SAMD11: variants seen among roughly 807,000 people sequenced by gnomAD.
The protein encoded by SAMD11 is sterile alpha motif domain-containing protein 11.
SAMD11 carries 77 observed loss-of-function variants against 64.4 expected under a neutral mutation model. The ratio of observed to expected loss-of-function variants is 1.20; its 90% CI spans 0.99 to 1.44. SAMD11 has a LOEUF of 1.44. Ranked by LOEUF, SAMD11 falls within the 40% of genes most tolerant of loss-of-function variation. The pLI is 0.00. For synonymous variants in SAMD11, 658 were observed against 421.9 expected (o/e 1.56, Z -6.86); for missense variants, 1,402 against 943.3 (o/e 1.49, Z -6.37).
intron 1 of SAMD11, 47 bp from the exon 2 acceptor site, chr1:925,875 A>C: frequency 7.1e-7 from 1 of 1,414,578 alleles, no homozygotes; most frequent in South Asian, 1.1e-5. Context: ...GACTGCGCGC[A>C]GAAGCGTGCC....
At chr1:936,298 ACGGAGGGGG>A (rs1295033755) in intron 5 of SAMD11, among the ~76,000 whole-genome samples, 2 of 136,166 alleles carry the variant, frequency 1.5e-5, no homozygotes, top group Non-Finnish European at 3.2e-5. Flanking sequence ...GGGCTCCTGG[ACGGAGGGGG>A]TCCCCGGTCC....
At position 943,026 on chromosome 1, in the gene SAMD11, TCC is replaced by T; in HGVS notation, c.2023_2024del (p.Pro675LeufsTer26). The T allele has an allele frequency of 6.5e-7, 1 of 1,529,906 alleles. No individual in the cohort carries two copies. The highest frequency in any genetic ancestry group is 8.8e-7 in the Non-Finnish European group (1 of 1,140,824). 94.8% of individuals were successfully genotyped at this position (1,529,906 alleles called of 1,614,324 possible). A position where few individuals can be genotyped will look rare whatever the true frequency, so the allele number is the denominator to read the frequency against. The stretch of plus-strand genomic sequence containing the variant: ...CCAGGGTCCACACTGCCCCTGGGCT[TCC>T]CTTATGCCGTCAGCCCCTACTTCCA... On this transcript the variant is annotated frameshift_variant, in exon 11 of 14. Transcript: ENST00000616016. LOFTEE classifies it high-confidence loss of function.
chr1:935,952 TGGC>T, intron 5 of SAMD11, 56 bp downstream of exon 5: 1 of 1,571,998 alleles, frequency 6.4e-7, no homozygotes, highest in Non-Finnish European at 8.7e-7. Flanking sequence ...CAGAGGACGG[TGGC>T]GTCTCCACTC....
chr1:943,451 G>T, intron 12 of SAMD11, 74 bp downstream of exon 12: 1 of 1,313,120 alleles, frequency 7.6e-7, no homozygotes, highest in Non-Finnish European at 1.0e-6. Flanking sequence ...AAAGGATGGT[G>T]GGGTAGGGCC....
chr1:936,422 G>A (rs1641452447), intron 5 of SAMD11, among the ~76,000 whole-genome samples: 1 of 145,860 alleles, frequency 6.9e-6, no homozygotes, highest in South Asian at 2.1e-4. Flanking sequence ...TGGACGGAGG[G>A]GGTCCCCGGT....
In SAMD11 at chr1:930,341, T is replaced by C; in HGVS notation, c.791+5T>C. 1 of 1,598,260 alleles carries C rather than the reference T, an allele frequency of 6.3e-7. No homozygotes were observed. The highest frequency in any genetic ancestry group is 8.5e-7 in the Non-Finnish European group (1 of 1,172,338). ...CATCCGTATCATGAAGAGAAGGTACTTGGACCAGGGCCGGACAGGAAGGCG... is the reference window on the plus strand; with the variant it reads ...CATCCGTATCATGAAGAGAAGGTACCTGGACCAGGGCCGGACAGGAAGGCG... On this transcript the variant is annotated splice_donor_5th_base_variant and intron_variant, in intron 3 of 13. Transcript: ENST00000616016.
At chr1:936,716 C>G (rs1641472068) in intron 5 of SAMD11, among the ~76,000 whole-genome samples, 1 of 152,156 alleles carries the variant, frequency 6.6e-6, no homozygotes, top group Non-Finnish European at 1.5e-5. Context: ...ATCTGTGTCC[C>G]CCATCCATGG....
intron 5 of SAMD11, among the ~76,000 whole-genome samples, chr1:936,930 C>T (rs1401970590): frequency 6.6e-6 from 1 of 152,204 alleles, no homozygotes; most frequent in Non-Finnish European, 1.5e-5. Flanking sequence ...GGGAGACCTC[C>T]TCAGGTACAC....
intron 2 of SAMD11, among the ~76,000 whole-genome samples, chr1:927,664 C>T (rs530317951): frequency 9.2e-5 from 14 of 152,358 alleles, no homozygotes; most frequent in East Asian, 1.9e-4. Context: ...ACAGATGCTC[C>T]GGGGCAGAAT....
Position 929,740 on chromosome 1 carries a change from C to T in SAMD11, c.610-415C>T, listed in dbSNP as rs578162306. ...CTGGGAATGAGGGGCCACACAAGCCCGGGACGGAGGCCTGTCGCACATGGG... is the reference window on the plus strand; with the variant it reads ...CTGGGAATGAGGGGCCACACAAGCCTGGGACGGAGGCCTGTCGCACATGGG... On this transcript the variant is annotated intron_variant, in intron 2 of 13. Transcript: ENST00000616016. Among the ~76,000 whole-genome samples the T allele has an allele frequency of 2.6e-5, 4 of 152,218 alleles. No individual in the cohort carries two copies. The South Asian group carries it at 6.2e-4, about 24-fold the overall frequency.
At chr1:925,429 G>A (rs1640834079) in intron 1 of SAMD11, among the ~76,000 whole-genome samples, 2 of 151,444 alleles carry the variant, frequency 1.3e-5, no homozygotes, top group South Asian at 4.1e-4. Context: ...GGGCGCCTGG[G>A]CCCAAGGGTG....
intron 5 of SAMD11, among the ~76,000 whole-genome samples, chr1:937,781 T>G (rs1293780151): frequency 6.6e-6 from 1 of 152,216 alleles, no homozygotes; most frequent in East Asian, 1.9e-4. Flanking sequence ...ACCCTCTCTC[T>G]GGGGCCGGGC....
intron 7 of SAMD11, chr1:940,296 GCCCCCCCC>G (rs552305601): frequency 7.6e-6 from 1 of 131,490 alleles, no homozygotes; most frequent in East Asian, 2.3e-4. Flanking sequence ...CCGCGCCGCC[GCCCCCCCC>G]CCCCGCCCCG....
At chr1:943,195 G>A in intron 11 of SAMD11, 58 bp from the exon 12 acceptor site, 1 of 1,609,342 alleles carries the variant, frequency 6.2e-7, no homozygotes, top group East Asian at 2.2e-5. Context: ...CGACGGTCAG[G>A]AGACGGGCGG....
chr1:925,598 G>C (rs1205365648), intron 1 of SAMD11: 1 of 235,826 alleles, frequency 4.2e-6, no homozygotes, highest in South Asian at 6.1e-5. Flanking sequence ...TCACCGCTCC[G>C]GGACTCAGCC....
Position 943,790 on chromosome 1 carries a change from C to A in SAMD11, c.2271C>A (p.Ala757=). ...LTNMGLKLGP[A]LKIRAQVARR... Reference sequence around the variant, plus strand: ...ACATGGGGCTGAAGCTGGGGCCCGCCCTCAAGATCCGGGCCCAGGTGAGAC... The same window carrying A: ...ACATGGGGCTGAAGCTGGGGCCCGCACTCAAGATCCGGGCCCAGGTGAGAC... The change falls in exon 13 of 14, where the codon GCC becomes GCA. Residue 757 remains alanine (A), a synonymous_variant. Coordinates refer to ENST00000616016, the MANE Select transcript of SAMD11 (RefSeq NM_001385641.1). The A allele has an allele frequency of 3.7e-6, 6 of 1,612,712 alleles. No homozygotes were observed. The highest frequency in any genetic ancestry group is 5.1e-6 in the Non-Finnish European group (6 of 1,179,942).
In SAMD11 at chr1:935,820, C is replaced by G. The variant is rs1404341261; in HGVS notation, c.891C>G (p.Arg297=). 4 of 1,613,398 alleles carry G rather than the reference C, an allele frequency of 2.5e-6. No homozygotes were observed. The highest frequency in any genetic ancestry group is 1.1e-5 in the South Asian group (1 of 91,088). Residue 297 remains arginine (R), a synonymous_variant, in exon 5 of 14, where the codon CGC becomes CGG. Transcript: ENST00000616016. ...TCATATCCAGCGTCCACCGCAGCCG[C>G]CACCTCGTTATGCCCGAGCATCAGA... The part of the protein sequence containing the change: ...PTLISSVHRS[R]HLVMPEHQSR...
rs375115805 is a variant in SAMD11, at chr1:944,160, C to T, written c.*7C>T. On this transcript the variant is annotated 3_prime_UTR_variant, in exon 14 of 14. Coordinates refer to ENST00000616016, the MANE Select transcript of SAMD11 (RefSeq NM_001385641.1). ...TTCCCAGCCTCTGTGTTGAGGTTGCCGGGGGTAGGGGTGGGGCCACACAAA... is the reference window on the plus strand; with the variant it reads ...TTCCCAGCCTCTGTGTTGAGGTTGCTGGGGGTAGGGGTGGGGCCACACAAA... 61 of 1,540,718 alleles carry T rather than the reference C, an allele frequency of 4.0e-5. No homozygotes were observed. In the Middle Eastern group the frequency reaches 1.0e-3, roughly 26 times the overall value.
chr1:944,228 C>CGCTTTATTTCT lies in SAMD11; in HGVS notation c.*76_*86dup. ...TCAACACAATGGCCCTGCCTCCCAC[C>CGCTTTATTTCT]GCTTTATTTCTTTCGGTTTCGGATG... On this transcript the variant is annotated 3_prime_UTR_variant, in exon 14 of 14. Coordinates refer to ENST00000616016, the MANE Select transcript of SAMD11 (RefSeq NM_001385641.1). 3 of 1,458,160 alleles carry CGCTTTATTTCT rather than the reference C, an allele frequency of 2.1e-6. No homozygotes were observed. The highest frequency in any genetic ancestry group is 2.7e-6 in the Non-Finnish European group (3 of 1,106,038). The allele number at this position is 1,458,160 out of a possible 1,614,324, so 90.3% of individuals were successfully genotyped here.
Sources: gnomAD v4.1 joint callset for allele counts (sites outside exome capture counted in the v4.1 genomes callset) on GRCh38, gnomAD v4.1.1 for gene constraint, MANE v1.5 for transcripts, NCBI Gene and HGNC (gene_info 2026-07-23, HGNC 2026-07-21) for gene names.